NCOR1: variants seen among roughly 807,000 people sequenced by gnomAD.
The protein encoded by NCOR1 is protein phosphatase 1, regulatory subunit 109.
In NCOR1, 63 loss-of-function variants were observed where a neutral mutation model predicts 288.1. The observed-to-expected ratio is 0.22, with a 90% CI of 0.18 to 0.27. The LOEUF (loss-of-function observed/expected upper bound fraction) is 0.27. NCOR1 is among the 10% of genes least tolerant of loss of function. NCOR1 has a pLI of 1.00. For synonymous variants in NCOR1, 1,007 were observed against 1,065.9 expected (o/e 0.94, Z 1.08); for missense variants, 2,397 against 3,019.2 (o/e 0.79, Z 4.83).
intron 1 of NCOR1, among the ~76,000 whole-genome samples, chr17:16,200,495 C>CAAAAAAAA (rs55957034): frequency 4.9e-5 from 3 of 60,682 alleles, no homozygotes; most frequent in Non-Finnish European, 5.6e-5. Context: ...GACTCCATCT[C>CAAAAAAAA]AAAAAAAAAA....
intron 5 of NCOR1, among the ~76,000 whole-genome samples, chr17:16,162,098 ATTT>A (rs1248641772): frequency 6.6e-6 from 1 of 151,924 alleles, no homozygotes; most frequent in Admixed American, 6.6e-5. Flanking sequence ...CAAAAAAAAA[ATTT>A]TTTTTAATGA....
intron 14 of NCOR1, among the ~76,000 whole-genome samples, chr17:16,131,174 G>A (rs1299113736): frequency 6.6e-6 from 1 of 151,158 alleles, no homozygotes; most frequent in Non-Finnish European, 1.5e-5. Context: ...TAATTTTTTT[G>A]TAGAAAATCA....
intron 1 of NCOR1, among the ~76,000 whole-genome samples, chr17:16,206,474 C>G (rs2091522718): frequency 6.6e-6 from 1 of 152,162 alleles, no homozygotes; most frequent in Admixed American, 6.6e-5. Context: ...CAACCTCCAC[C>G]TCCCAGTTTC....
intron 21 of NCOR1, among the ~76,000 whole-genome samples, chr17:16,095,517 C>T (rs1381766520): frequency 1.8e-4 from 25 of 139,450 alleles, no homozygotes; most frequent in African/African-American, 4.8e-4. Flanking sequence ...CCCGGCCAGC[C>T]GCCCCATCCG....
At chr17:16,180,481 T>G (rs576213116) in intron 3 of NCOR1, among the ~76,000 whole-genome samples, 1 of 152,294 alleles carries the variant, frequency 6.6e-6, no homozygotes, top group East Asian at 1.9e-4. Context: ...GTGGGCTCAG[T>G]GGTTCATGCT....
rs145454638 is a variant in NCOR1 at position 16,134,975 on chromosome 17, C to T, written c.1509+2336G>A. 7.7e-3 allele frequency among the ~76,000 whole-genome samples: 1,163 copies of T among 151,976 alleles called. 19 individuals carry two copies. The highest frequency in any genetic ancestry group is 0.049 in the East Asian group (254 of 5,148). On this transcript the variant is annotated intron_variant, in intron 14 of 45. Transcript: ENST00000268712. ...GAGATCGAGACCATCCTGACTAACA[C>T]GGTGAAACCCCGTCTCTACTAAATA...
At chr17:16,134,243 A>G (rs2076071667) in intron 14 of NCOR1, among the ~76,000 whole-genome samples, 1 of 152,212 alleles carries the variant, frequency 6.6e-6, no homozygotes. Flanking sequence ...CAATTAAGAA[A>G]CAATGGTAAA....
chr17:16,110,809 A>T (rs777445620), intron 18 of NCOR1, among the ~76,000 whole-genome samples: 2 of 152,180 alleles, frequency 1.3e-5, no homozygotes, highest in African/African-American at 4.8e-5. Flanking sequence ...AGAAACAATC[A>T]TTTTCTAATA....
intron 42 of NCOR1, among the ~76,000 whole-genome samples, chr17:16,045,581 T>C (rs1400362481): frequency 6.6e-6 from 1 of 152,176 alleles, no homozygotes; most frequent in Non-Finnish European, 1.5e-5. Flanking sequence ...CAATCTTGGC[T>C]CACTGCAACC....
At chr17:16,084,523 T>C (rs902758361) in intron 23 of NCOR1, 1 of 152,094 alleles carries the variant, frequency 6.6e-6, no homozygotes, top group Admixed American at 6.5e-5. Context: ...AAAACAATCT[T>C]GAAAAACAAA....
intron 9 of NCOR1, among the ~76,000 whole-genome samples, chr17:16,147,825 CT>C (rs927565719): frequency 3.4e-5 from 5 of 148,918 alleles, no homozygotes; most frequent in East Asian, 2.0e-4. Context: ...AATGCAAATT[CT>C]TTTTTTTTTG....
At position 16,139,167 on chromosome 17, in the gene NCOR1, C is replaced by T; in HGVS notation, c.1193G>A (p.Arg398Gln). The change falls in exon 12 of 46, where the codon CGG becomes CAG. Residue 398 changes from arginine to glutamine, a missense_variant. Arg to Gln is a conservative substitution (Grantham distance 43, BLOSUM62 1). This residue lies in a region of NCOR1 where 80 missense variants were observed against 100.3 expected (regional missense o/e 0.80). Transcript: ENST00000268712. ...CATAGGTGGAATCACAGAGAGCTGC[C>T]GCATTTGTTTCTCATTATTCTGGAA... Reference protein sequence around the residue: ...SEQENNEKQMRQLSVIPPMMF... With the variant: ...SEQENNEKQMQQLSVIPPMMF... The T allele has an allele frequency of 1.2e-6, 2 of 1,608,148 alleles. No individual in the cohort carries two copies. Among genetic ancestry groups the T allele is most frequent in the Non-Finnish European group, 1.7e-6 (2 of 1,178,504 alleles).
chr17:16,061,557 G>T lies in NCOR1; in HGVS notation c.5725C>A (p.Pro1909Thr), dbSNP rs754398337. The T allele has an allele frequency of 6.2e-6, 10 of 1,614,076 alleles. No homozygotes were observed. Among genetic ancestry groups the T allele is most frequent in the Middle Eastern group, 1.6e-4 (1 of 6,082 alleles). ...VYSEAGKDKG[P>T]PPKSRYEEEL... ...TCCTCATATCTGGATTTTGGAGGAG[G>T]CCCTTTATCTTTCCCAGCCTCAGAA... Residue 1909 changes from proline (P) to threonine (T), a missense_variant, in exon 37 of 46, where the codon CCT becomes ACT. Physicochemically the swap from Pro to Thr is conservative, Grantham distance 38 (BLOSUM62 -1). Coordinates refer to ENST00000268712, the MANE Select transcript of NCOR1 (RefSeq NM_006311.4).
chr17:16,179,502 G>C (rs1025482389), intron 3 of NCOR1, among the ~76,000 whole-genome samples: 3 of 152,124 alleles, frequency 2.0e-5, no homozygotes, highest in African/African-American at 7.2e-5. Flanking sequence ...GAAAACTCCA[G>C]TATCTGAAGG....
At chr17:16,039,378 T>TA in intron 44 of NCOR1, 55 bp downstream of exon 44, 1 of 1,547,426 alleles carries the variant, frequency 6.5e-7, no homozygotes, top group Non-Finnish European at 8.9e-7. Context: ...ATTTGGGAAA[T>TA]AAACTGGCTT....
At chr17:16,063,997 C>T in intron 35 of NCOR1, 71 bp downstream of exon 35, 3 of 1,458,240 alleles carry the variant, frequency 2.1e-6, no homozygotes, top group Admixed American at 4.6e-5. Context: ...TTTTTGTGCG[C>T]AGCATTAAGC....
At chr17:16,049,886 T>C (rs2059110656) in intron 40 of NCOR1, among the ~76,000 whole-genome samples, 1 of 151,860 alleles carries the variant, frequency 6.6e-6, no homozygotes, top group Admixed American at 6.6e-5. Context: ...CCATTTATCT[T>C]ATTATTAAAA....
At chr17:16,114,484 C>T (rs1216684251) in intron 18 of NCOR1, among the ~76,000 whole-genome samples, 1 of 152,158 alleles carries the variant, frequency 6.6e-6, no homozygotes. Context: ...AGCCCAAAGT[C>T]TCATCTGAGA....
chr17:16,035,530 CTTT>C lies in NCOR1; in HGVS notation c.6956-589_6956-587del, dbSNP rs966987249. 1.6e-4 allele frequency among the ~76,000 whole-genome samples: 19 copies of C among 118,312 alleles called. No individual in the cohort carries two copies. The South Asian group carries it at 1.7e-3, about 11-fold the overall frequency. 77.6% of individuals were successfully genotyped at this position (118,312 alleles called of 152,430 possible). A position where few individuals can be genotyped will look rare whatever the true frequency, so the allele number is the denominator to read the frequency against. On this transcript the variant is annotated intron_variant, in intron 44 of 45. Transcript: ENST00000268712. The stretch of plus-strand genomic sequence containing the variant: ...AGGCTCCACTACTAGTTCTCTTGTT[CTTT>C]TTTTTTTTTTTTTTTTTTTAAGGCA...
Sources: gnomAD v4.1 joint callset for allele counts (sites outside exome capture counted in the v4.1 genomes callset) on GRCh38, gnomAD v4.1.1 for gene constraint, gnomAD v4.1.1 regional missense constraint, MANE v1.5 for transcripts, NCBI Gene and HGNC (gene_info 2026-07-23, HGNC 2026-07-21) for gene names.